Variants in LUZP2 observed in about 807,000 individuals in gnomAD.
The protein encoded by LUZP2 is leucine zipper protein 2.
LUZP2 carries 52 observed loss-of-function variants against 51.6 expected under a neutral mutation model. That is an observed-to-expected ratio of 1.01 (90% CI 0.81 to 1.27). LUZP2 has a LOEUF of 1.27. Ranked by LOEUF, LUZP2 falls within the 50% of genes most tolerant of loss-of-function variation. The probability of loss-of-function intolerance (pLI) is 0.00; values close to 1 mark genes in which losing one functional copy is unlikely to be tolerated. For missense variants in LUZP2, 436 were observed against 395.4 expected, an observed-to-expected ratio of 1.10 and a Z score of -0.87; for synonymous variants, 154 against 137.3, an observed-to-expected ratio of 1.12 and a Z score of -0.85.
intron 1 of LUZP2, among the ~76,000 whole-genome samples, chr11:24,554,189 C>T (rs1245320352): frequency 6.6e-6 from 1 of 152,138 alleles, no homozygotes; most frequent in Non-Finnish European, 1.5e-5. Context: ...CTGAAATCTT[C>T]TAGGTAGACA....
chr11:25,063,473 G>C lies in LUZP2; in HGVS notation c.858+13343G>C, dbSNP rs1368217918. Among the ~76,000 whole-genome samples the C allele has an allele frequency of 9.9e-5, 15 of 151,858 alleles. 1 individual carries two copies. Among genetic ancestry groups the C allele is most frequent in the Non-Finnish European group, 2.2e-4 (15 of 67,794 alleles). On this transcript the variant is annotated intron_variant, in intron 10 of 11. Transcript: ENST00000336930. ...GCATTGTAAAAGACAGAAAGGGAAA[G>C]AGAAGAGAGAGGAGTCTGCTTCAGC...
chr11:25,014,830 C>G (rs926477980), intron 9 of LUZP2, among the ~76,000 whole-genome samples: 1 of 152,054 alleles, frequency 6.6e-6, no homozygotes, highest in Non-Finnish European at 1.5e-5. Flanking sequence ...TTGCCCATGC[C>G]TATGTCCTGA....
At chr11:24,917,897 T>G (rs989782564) in intron 7 of LUZP2, among the ~76,000 whole-genome samples, 6 of 152,170 alleles carry the variant, frequency 3.9e-5, no homozygotes, top group African/African-American at 1.2e-4. Flanking sequence ...TTGCTGGGGA[T>G]GATATTGAAT....
intron 5 of LUZP2, among the ~76,000 whole-genome samples, chr11:24,772,169 A>G (rs11028160): frequency 0.08 from 12,168 of 152,154 alleles, 1,047 homozygotes; most frequent in African/African-American, 0.22. Context: ...TTCTCAGAAG[A>G]AGTCCTTGAC....
chr11:24,944,290 C>T (rs1014519204), intron 7 of LUZP2, among the ~76,000 whole-genome samples: 5 of 152,158 alleles, frequency 3.3e-5, no homozygotes, highest in African/African-American at 1.2e-4. Context: ...TGTAATATTA[C>T]CAACCTCAGT....
At chr11:24,646,907 A>G (rs536289673) in intron 1 of LUZP2, among the ~76,000 whole-genome samples, 1 of 152,044 alleles carries the variant, frequency 6.6e-6, no homozygotes, top group African/African-American at 2.4e-5. Flanking sequence ...CAGTAATGTT[A>G]TAATATATAA....
At chr11:25,005,496 A>G (rs959811235) in intron 9 of LUZP2, among the ~76,000 whole-genome samples, 5 of 152,116 alleles carry the variant, frequency 3.3e-5, no homozygotes, top group Non-Finnish European at 4.4e-5. Context: ...GCAGAAAAAA[A>G]TGAGCCATCT....
At chr11:24,718,655 T>G (rs983964777) in intron 1 of LUZP2, among the ~76,000 whole-genome samples, 1 of 152,144 alleles carries the variant, frequency 6.6e-6, no homozygotes, top group Non-Finnish European at 1.5e-5. Flanking sequence ...CAAACAACAT[T>G]TTTTCAGTCA....
intron 10 of LUZP2, among the ~76,000 whole-genome samples, chr11:25,052,625 A>G (rs1311954343): frequency 6.6e-6 from 1 of 152,178 alleles, no homozygotes; most frequent in Non-Finnish European, 1.5e-5. Flanking sequence ...GATTTGCATT[A>G]AATATTGTGA....
intron 1 of LUZP2, among the ~76,000 whole-genome samples, chr11:24,573,253 T>C (rs916786629): frequency 3.9e-5 from 6 of 151,928 alleles, no homozygotes; most frequent in African/African-American, 1.4e-4. Flanking sequence ...CACCTAAGAG[T>C]CTCAAGTATG....
intron 7 of LUZP2, among the ~76,000 whole-genome samples, chr11:24,936,333 C>T (rs111244200): frequency 0.012 from 1,874 of 152,204 alleles, 48 homozygotes; most frequent in African/African-American, 0.041. Flanking sequence ...TAGCCCCTAC[C>T]GTTGTCATTT....
intron 1 of LUZP2, among the ~76,000 whole-genome samples, chr11:24,524,595 C>T (rs1850737582): frequency 6.6e-6 from 1 of 151,652 alleles, no homozygotes; most frequent in African/African-American, 2.4e-5. Flanking sequence ...ATAATTTAGT[C>T]CATTAACTCT....
At chr11:24,897,555 A>G (rs962996550) in intron 5 of LUZP2, among the ~76,000 whole-genome samples, 6 of 152,142 alleles carry the variant, frequency 3.9e-5, no homozygotes, top group South Asian at 2.1e-4. Flanking sequence ...GAAGGTCTGC[A>G]GTTTCACTCC....
In LUZP2 at chr11:25,005,850, G is replaced by A. The variant is rs147787087; in HGVS notation, c.765+22557G>A. On this transcript the variant is annotated intron_variant, in intron 9 of 11. Transcript: ENST00000336930. ...AAAATCGGATTTAGTGGCCCTTACC[G>A]ACACATTCTCGAGAACTTGTTAGAG... Among the ~76,000 whole-genome samples, 457 of 152,092 alleles carry A rather than the reference G, an allele frequency of 3.0e-3. 1 individual carries two copies. Among genetic ancestry groups the A allele is most frequent in the African/African-American group, 0.01 (433 of 41,486 alleles).
intron 1 of LUZP2, among the ~76,000 whole-genome samples, chr11:24,636,892 T>C (rs1855124182): frequency 6.6e-6 from 1 of 151,682 alleles, no homozygotes; most frequent in South Asian, 2.1e-4. Flanking sequence ...TTCCAACAAA[T>C]AAAAATGATA....
In LUZP2 at chr11:24,990,435, A is replaced by C. The variant is rs528693937; in HGVS notation, c.765+7142A>C. On this transcript the variant is annotated intron_variant, in intron 9 of 11. Transcript: ENST00000336930. ...TCAAGGACAAATCTTTAGATTTTGA[A>C]CATAATCTTGTCTCACTGATGGGGA... Among the ~76,000 whole-genome samples, 15 of 152,220 alleles carry C rather than the reference A, an allele frequency of 9.9e-5. No individual in the cohort carries two copies. The South Asian group carries it at 2.9e-3, about 29-fold the overall frequency.
At chr11:24,555,115 G>A (rs921311882) in intron 1 of LUZP2, among the ~76,000 whole-genome samples, 12 of 152,012 alleles carry the variant, frequency 7.9e-5, no homozygotes, top group Non-Finnish European at 1.5e-4. Flanking sequence ...TCAAGACCAC[G>A]AGGCAATTTT....
At chr11:24,960,905 C>T (rs1318002448) in intron 7 of LUZP2, among the ~76,000 whole-genome samples, 6 of 152,076 alleles carry the variant, frequency 3.9e-5, no homozygotes, top group African/African-American at 1.4e-4. Context: ...TTTCCCTCTA[C>T]AGACTGCTTT....
intron 1 of LUZP2, among the ~76,000 whole-genome samples, chr11:24,610,092 T>C (rs1854068620): frequency 6.6e-6 from 1 of 152,196 alleles, no homozygotes; most frequent in Non-Finnish European, 1.5e-5. Context: ...TCACTTGCCA[T>C]TCCAACGTAA....
Sources: gnomAD v4.1 joint callset for allele counts (sites outside exome capture counted in the v4.1 genomes callset) on GRCh38, gnomAD v4.1.1 for gene constraint, MANE v1.5 for transcripts, NCBI Gene and HGNC (gene_info 2026-07-23, HGNC 2026-07-21) for gene names.